Variants in CACNA2D3 observed in about 807,000 individuals in gnomAD.
CACNA2D3 encodes voltage-dependent calcium channel subunit alpha-2/delta-3.
In CACNA2D3, 60 loss-of-function variants were observed where a neutral mutation model predicts 160.6. That is an observed-to-expected ratio of 0.37 (90% CI 0.30 to 0.46). The LOEUF (loss-of-function observed/expected upper bound fraction) is 0.46, where lower values mean the gene tolerates loss of function less well. Ranked by LOEUF, CACNA2D3 falls within the 20% of genes least tolerant of loss-of-function variation. The probability of loss-of-function intolerance (pLI) is 1.00; values close to 1 mark genes in which losing one functional copy is unlikely to be tolerated. For missense variants in CACNA2D3, 1,205 were observed against 1,365.0 expected, an observed-to-expected ratio of 0.88 and a Z score of 1.85; for synonymous variants, 558 against 492.9, an observed-to-expected ratio of 1.13 and a Z score of -1.75.
intron 2 of CACNA2D3, among the ~76,000 whole-genome samples, chr3:54,139,096 T>C (rs1699872098): frequency 6.6e-6 from 1 of 152,228 alleles, no homozygotes; most frequent in South Asian, 2.1e-4. Flanking sequence ...TGGGCTTGCC[T>C]GCAGTAGAGC....
chr3:54,756,380 A>G (rs1701971780), intron 12 of CACNA2D3, among the ~76,000 whole-genome samples: 3 of 152,218 alleles, frequency 2.0e-5, no homozygotes, highest in Non-Finnish European at 4.4e-5. Context: ...ACGTTGCGTC[A>G]GTTAAGGGGT....
intron 2 of CACNA2D3, among the ~76,000 whole-genome samples, chr3:54,181,366 T>G (rs1331184802): frequency 1.3e-5 from 2 of 152,228 alleles, no homozygotes; most frequent in Non-Finnish European, 2.9e-5. Flanking sequence ...ATTCAGTGAT[T>G]AACCTCTCAT....
chr3:54,558,150 G>A (rs7372026), intron 5 of CACNA2D3, among the ~76,000 whole-genome samples: 112,677 of 152,092 alleles, frequency 0.74, 42,765 homozygotes, highest in Non-Finnish European at 0.82. Flanking sequence ...GCATTATGTT[G>A]CTCATTGTTT....
intron 5 of CACNA2D3, among the ~76,000 whole-genome samples, chr3:54,558,261 C>T (rs1374620956): frequency 6.6e-6 from 1 of 152,160 alleles, no homozygotes; most frequent in Non-Finnish European, 1.5e-5. Context: ...AGTAGGGTTG[C>T]GTGACTTGGC....
chr3:54,594,951 C>A (rs1046251524), intron 9 of CACNA2D3, among the ~76,000 whole-genome samples: 7 of 152,224 alleles, frequency 4.6e-5, no homozygotes, highest in African/African-American at 1.4e-4. Flanking sequence ...ATTTCAAATA[C>A]TATCCTATTA....
chr3:54,349,261 G>A (rs1300326302), intron 3 of CACNA2D3, among the ~76,000 whole-genome samples: 1 of 152,184 alleles, frequency 6.6e-6, no homozygotes, highest in Non-Finnish European at 1.5e-5. Flanking sequence ...AGAGCAAGAG[G>A]CGCCCACACA....
At chr3:54,428,494 G>A (rs1386173693) in intron 4 of CACNA2D3, among the ~76,000 whole-genome samples, 2 of 152,028 alleles carry the variant, frequency 1.3e-5, no homozygotes, top group Non-Finnish European at 2.9e-5. Flanking sequence ...TCGCACCAGT[G>A]CAGCTGCAAG....
intron 2 of CACNA2D3, among the ~76,000 whole-genome samples, chr3:54,313,443 C>A (rs1327420836): frequency 2.0e-5 from 3 of 152,172 alleles, no homozygotes; most frequent in African/African-American, 7.2e-5. Flanking sequence ...GACCTGATCA[C>A]TGATCCCTCC....
chr3:54,831,404 A>G (rs1703875013), intron 14 of CACNA2D3, among the ~76,000 whole-genome samples: 1 of 152,224 alleles, frequency 6.6e-6, no homozygotes. Context: ...AGTCCTGGCA[A>G]GCTTCCTCTG....
chr3:54,358,308 A>G (rs962374466), intron 3 of CACNA2D3, among the ~76,000 whole-genome samples: 1 of 152,252 alleles, frequency 6.6e-6, no homozygotes, highest in Non-Finnish European at 1.5e-5. Flanking sequence ...AGTATTATTT[A>G]TGTCTTAATG....
chr3:54,254,542 A>G (rs1702258313), intron 2 of CACNA2D3, among the ~76,000 whole-genome samples: 2 of 152,210 alleles, frequency 1.3e-5, no homozygotes, highest in South Asian at 2.1e-4. Flanking sequence ...GGACTTGGTC[A>G]AATTACCTAA....
At chr3:54,328,734 TC>T (rs1224811481) in intron 3 of CACNA2D3, among the ~76,000 whole-genome samples, 2 of 152,100 alleles carry the variant, frequency 1.3e-5, no homozygotes, top group Non-Finnish European at 2.9e-5. Flanking sequence ...CTGATCCCCA[TC>T]CTCCCACAGA....
intron 10 of CACNA2D3, among the ~76,000 whole-genome samples, chr3:54,636,328 G>C (rs751707598): frequency 6.6e-6 from 1 of 151,974 alleles, no homozygotes; most frequent in Non-Finnish European, 1.5e-5. Context: ...AGACACAGTC[G>C]TGGGGGTCAG....
chr3:55,040,509 G>GA (rs892976691), intron 35 of CACNA2D3, among the ~76,000 whole-genome samples: 1 of 151,962 alleles, frequency 6.6e-6, no homozygotes, highest in African/African-American at 2.4e-5. Context: ...GAAATAGTTT[G>GA]AAAAAAACTG....
intron 3 of CACNA2D3, among the ~76,000 whole-genome samples, chr3:54,326,287 C>A (rs1232088589): frequency 6.6e-6 from 1 of 152,144 alleles, no homozygotes; most frequent in Non-Finnish European, 1.5e-5. Flanking sequence ...TTACGCCAAT[C>A]TTCCAAAAAG....
At chr3:54,797,403 A>G (rs907728552) in intron 13 of CACNA2D3, among the ~76,000 whole-genome samples, 18 of 152,332 alleles carry the variant, frequency 1.2e-4, no homozygotes, top group Admixed American at 1.1e-3. Flanking sequence ...AGTAGGTGGT[A>G]GAAGCCCGTG....
intron 2 of CACNA2D3, among the ~76,000 whole-genome samples, chr3:54,180,100 C>CT (rs5849033): frequency 0.39 from 49,172 of 127,576 alleles, 9,885 homozygotes; most frequent in South Asian, 0.64. Flanking sequence ...TGTCTTTTGC[C>CT]TTTTTTTTTT....
intron 3 of CACNA2D3, among the ~76,000 whole-genome samples, chr3:54,371,113 C>CA: frequency 6.6e-6 from 1 of 152,248 alleles, no homozygotes; most frequent in African/African-American, 2.4e-5. Flanking sequence ...ATCCATTCAT[C>CA]AGTTCTTGGA....
chr3:54,256,152 C>CT (rs1702289670), intron 2 of CACNA2D3, among the ~76,000 whole-genome samples: 1 of 152,176 alleles, frequency 6.6e-6, no homozygotes, highest in Non-Finnish European at 1.5e-5. Flanking sequence ...ATTGGTGACA[C>CT]TTTTTCTGGG....
Sources: allele counts gnomAD v4.1 joint callset (sites outside exome capture counted in the v4.1 genomes callset), GRCh38; gene constraint gnomAD v4.1.1; transcripts MANE v1.5; gene names NCBI Gene and HGNC (gene_info 2026-07-23, HGNC 2026-07-21).